XKR6: variants seen among roughly 807,000 people sequenced by gnomAD.
XKR6 encodes XK-related protein 6.
In XKR6, 22 loss-of-function variants were observed where a neutral mutation model predicts 56.7. The observed-to-expected ratio is 0.39, with a 90% confidence interval of 0.28 to 0.55. The LOEUF (loss-of-function observed/expected upper bound fraction) is 0.55. Among genes scored for constraint, XKR6 ranks in the 20% least tolerant of loss-of-function variants. XKR6 has a pLI of 0.66. For synonymous variants in XKR6, 524 were observed against 387.8 expected (o/e 1.35, Z -4.13); for missense variants, 852 against 889.0 (o/e 0.96, Z 0.53).
chr8:11,094,370 G>C (rs1798201768), intron 1 of XKR6, among the ~76,000 whole-genome samples: 1 of 151,732 alleles, frequency 6.6e-6, no homozygotes, highest in Non-Finnish European at 1.5e-5. Context: ...TTGTATTTTT[G>C]GTAGATAAGG....
chr8:11,093,586 C>T (rs1177847054), intron 1 of XKR6, among the ~76,000 whole-genome samples: 16 of 152,146 alleles, frequency 1.1e-4, no homozygotes, highest in Admixed American at 1.0e-3. Flanking sequence ...TTTTCTTCTT[C>T]TTGAAATTCT....
intron 1 of XKR6, among the ~76,000 whole-genome samples, chr8:10,975,440 C>T (rs948151283): frequency 8.5e-5 from 13 of 152,236 alleles, no homozygotes; most frequent in African/African-American, 2.4e-4. Context: ...AGCCAAGAGC[C>T]GCCTTTGGTC....
chr8:10,969,318 C>A (rs1212555636), intron 1 of XKR6, among the ~76,000 whole-genome samples: 1 of 152,156 alleles, frequency 6.6e-6, no homozygotes, highest in Non-Finnish European at 1.5e-5. Context: ...GCTGTCCAGA[C>A]TTTTAGAAAT....
At chr8:11,156,827 A>T (rs983215127) in intron 1 of XKR6, among the ~76,000 whole-genome samples, 2 of 152,116 alleles carry the variant, frequency 1.3e-5, no homozygotes, top group African/African-American at 4.8e-5. Context: ...CACCACAGAC[A>T]CAGATGCACA....
At chr8:11,173,836 G>C (rs772392306) in intron 1 of XKR6, among the ~76,000 whole-genome samples, 9 of 152,098 alleles carry the variant, frequency 5.9e-5, no homozygotes, top group Non-Finnish European at 1.2e-4. Context: ...CCACCCACAA[G>C]TCACTACTAG....
intron 1 of XKR6, among the ~76,000 whole-genome samples, chr8:11,125,457 A>AG (rs1799728493): frequency 6.6e-6 from 1 of 152,180 alleles, no homozygotes; most frequent in Non-Finnish European, 1.5e-5. Flanking sequence ...TATGAGATTA[A>AG]TTACCACAGA....
intron 1 of XKR6, among the ~76,000 whole-genome samples, chr8:11,103,430 C>T (rs1270791646): frequency 6.6e-6 from 1 of 152,170 alleles, no homozygotes; most frequent in Non-Finnish European, 1.5e-5. Context: ...TGTCCCAGAG[C>T]CACATAGTTG....
intron 1 of XKR6, among the ~76,000 whole-genome samples, chr8:11,182,344 G>C (rs1445597676): frequency 6.6e-6 from 1 of 152,166 alleles, no homozygotes; most frequent in African/African-American, 2.4e-5. Context: ...AATGAGACTG[G>C]GGTTGTCTTT....
At chr8:10,943,794 C>G (rs1018398413) in intron 1 of XKR6, among the ~76,000 whole-genome samples, 1 of 152,158 alleles carries the variant, frequency 6.6e-6, no homozygotes. Context: ...GCACTATGCT[C>G]TCCTGCTCTC....
chr8:11,023,835 C>A (rs971848257), intron 1 of XKR6, among the ~76,000 whole-genome samples: 2 of 152,244 alleles, frequency 1.3e-5, no homozygotes, highest in African/African-American at 4.8e-5. Context: ...CTCTCTATGC[C>A]TGTCTTCATT....
At chr8:10,949,554 G>A (rs1346545914) in intron 1 of XKR6, among the ~76,000 whole-genome samples, 6 of 152,252 alleles carry the variant, frequency 3.9e-5, no homozygotes, top group Non-Finnish European at 5.9e-5. Context: ...GGAGGCCTCC[G>A]ATGTGCCAGG....
chr8:10,979,992 C>T (rs917951185), intron 1 of XKR6, among the ~76,000 whole-genome samples: 27 of 152,234 alleles, frequency 1.8e-4, no homozygotes, highest in African/African-American at 5.8e-4. Flanking sequence ...CCTGCTGCTG[C>T]CCCGTCCTGG....
intron 1 of XKR6, among the ~76,000 whole-genome samples, chr8:10,968,763 AGAG>A (rs1262637093): frequency 6.6e-6 from 1 of 152,252 alleles, no homozygotes; most frequent in Non-Finnish European, 1.5e-5. Context: ...GAGGAAGAAC[AGAG>A]AAGAAAGAGG....
intron 1 of XKR6, among the ~76,000 whole-genome samples, chr8:11,041,416 C>G (rs1048960281): frequency 6.6e-6 from 1 of 151,960 alleles, no homozygotes; most frequent in Non-Finnish European, 1.5e-5. Flanking sequence ...ACTAGCTGGG[C>G]GTGGTGGTGC....
rs1237646065 is a variant in XKR6, at chr8:11,201,755, G to A, written c.-416C>T. Among the ~76,000 whole-genome samples the A allele has an allele frequency of 2.0e-5, 3 of 152,184 alleles. No individual in the cohort carries two copies. The highest frequency in any genetic ancestry group is 4.4e-5 in the Non-Finnish European group (3 of 68,024). On this transcript the variant is annotated 5_prime_UTR_variant, in exon 1 of 3. Coordinates refer to ENST00000416569, the MANE Select transcript of XKR6 (RefSeq NM_173683.4). ...GGCGGTCCAAAGTGATCCCTGGAGG[G>A]GGCAGTGCCAGACGTTTTGGGGTCC...
At chr8:11,167,647 G>A (rs368268249) in intron 1 of XKR6, among the ~76,000 whole-genome samples, 5 of 152,102 alleles carry the variant, frequency 3.3e-5, no homozygotes, top group African/African-American at 9.7e-5. Context: ...CACATGCTCA[G>A]AATAAAACCC....
intron 1 of XKR6, among the ~76,000 whole-genome samples, chr8:11,041,293 C>A (rs976890938): frequency 6.6e-6 from 1 of 152,174 alleles, no homozygotes; most frequent in Non-Finnish European, 1.5e-5. Flanking sequence ...CGCGGTGGCT[C>A]ACGCCTGTAA....
At chr8:11,025,540 G>A (rs1182326757) in intron 1 of XKR6, among the ~76,000 whole-genome samples, 2 of 152,160 alleles carry the variant, frequency 1.3e-5, no homozygotes, top group Non-Finnish European at 2.9e-5. Flanking sequence ...GGGGGAGATG[G>A]AAATTCACAC....
At chr8:10,951,973 T>G (rs1190672093) in intron 1 of XKR6, among the ~76,000 whole-genome samples, 5 of 152,072 alleles carry the variant, frequency 3.3e-5, no homozygotes, top group Non-Finnish European at 5.9e-5. Context: ...CTCCTCTAGC[T>G]GGCTGAGAAA....
Sources: allele counts gnomAD v4.1 joint callset (sites outside exome capture counted in the v4.1 genomes callset), GRCh38; gene constraint gnomAD v4.1.1; transcripts MANE v1.5; gene names NCBI Gene and HGNC (gene_info 2026-07-23, HGNC 2026-07-21).